The following SDK1 variants were observed in gnomAD, a reference collection of about 807,000 sequenced individuals.
SDK1 encodes protein sidekick-1.
A neutral mutation model predicts 245.5 loss-of-function variants in SDK1; 157 were observed. The observed-to-expected ratio is 0.64, with a 90% CI of 0.56 to 0.73. The LOEUF is 0.73. Ranked by LOEUF, SDK1 falls within the 30% of genes least tolerant of loss-of-function variation. SDK1 has a pLI of 0.00. For synonymous variants in SDK1, 1,647 were observed against 1,278.5 expected (o/e 1.29, Z -6.15); for missense variants, 3,583 against 3,002.3 (o/e 1.19, Z -4.52).
chr7:3,475,145 C>G (rs749338506), intron 1 of SDK1, among the ~76,000 whole-genome samples: 1 of 152,228 alleles, frequency 6.6e-6, no homozygotes, highest in Non-Finnish European at 1.5e-5. Context: ...TTGTTCCATT[C>G]TCTCCCTTAT....
chr7:3,512,113 C>T (rs987907047), intron 1 of SDK1, among the ~76,000 whole-genome samples: 8 of 152,140 alleles, frequency 5.3e-5, no homozygotes, highest in African/African-American at 1.7e-4. Context: ...CTGACCTCTG[C>T]ATAGTTATCT....
At chr7:4,147,610 T>G (rs970306933) in intron 29 of SDK1, among the ~76,000 whole-genome samples, 3 of 152,064 alleles carry the variant, frequency 2.0e-5, no homozygotes, top group African/African-American at 7.2e-5. Context: ...CTGTGACCAT[T>G]ACCACTATCA....
At chr7:3,453,189 C>T (rs754114022) in intron 1 of SDK1, among the ~76,000 whole-genome samples, 3 of 152,166 alleles carry the variant, frequency 2.0e-5, no homozygotes, top group Non-Finnish European at 4.4e-5. Context: ...GAACTGGTAT[C>T]TGAGCAGAGC....
intron 22 of SDK1, among the ~76,000 whole-genome samples, chr7:4,081,582 G>C (rs553216793): frequency 6.6e-6 from 1 of 151,894 alleles, no homozygotes; most frequent in Non-Finnish European, 1.5e-5. Context: ...CACCCACCCA[G>C]CCAATTTTTT....
At chr7:4,014,144 A>C (rs1292465950) in intron 16 of SDK1, among the ~76,000 whole-genome samples, 1 of 152,260 alleles carries the variant, frequency 6.6e-6, no homozygotes, top group African/African-American at 2.4e-5. Context: ...CAGCATGTGC[A>C]GGAAGAGTTT....
intron 1 of SDK1, among the ~76,000 whole-genome samples, chr7:3,606,584 C>T (rs548137710): frequency 3.3e-5 from 5 of 152,274 alleles, no homozygotes; most frequent in African/African-American, 1.2e-4. Context: ...ACACAGTGGA[C>T]TGACTCCCAC....
At chr7:3,663,901 T>G (rs1783442812) in intron 4 of SDK1, among the ~76,000 whole-genome samples, 1 of 152,260 alleles carries the variant, frequency 6.6e-6, no homozygotes, top group Admixed American at 6.5e-5. Flanking sequence ...AGCATTTTTC[T>G]TAGGAATGTA....
intron 10 of SDK1, among the ~76,000 whole-genome samples, chr7:3,967,804 T>C (rs909387294): frequency 1.3e-5 from 2 of 152,188 alleles, no homozygotes; most frequent in African/African-American, 4.8e-5. Flanking sequence ...CAGGCAGTCA[T>C]GCACGGTGGC....
At chr7:3,459,758 T>A (rs186934932) in intron 1 of SDK1, among the ~76,000 whole-genome samples, 4 of 152,326 alleles carry the variant, frequency 2.6e-5, no homozygotes, top group Admixed American at 2.0e-4. Context: ...CCACTTGGTT[T>A]AGACCAGTTG....
At chr7:4,161,397 G>C (rs775668535) in intron 31 of SDK1, among the ~76,000 whole-genome samples, 1 of 152,130 alleles carries the variant, frequency 6.6e-6, no homozygotes, top group Non-Finnish European at 1.5e-5. Flanking sequence ...AGGAAAAGTA[G>C]CTCTCACCTA....
chr7:3,586,119 G>C (rs1421571402), intron 1 of SDK1, among the ~76,000 whole-genome samples: 1 of 151,802 alleles, frequency 6.6e-6, no homozygotes, highest in Non-Finnish European at 1.5e-5. Flanking sequence ...TAGAGTCGCT[G>C]GGGGAGAGAG....
At chr7:3,541,071 ATCATT>A (rs1779038855) in intron 1 of SDK1, among the ~76,000 whole-genome samples, 1 of 152,238 alleles carries the variant, frequency 6.6e-6, no homozygotes, top group Non-Finnish European at 1.5e-5. Context: ...ATTTGACACA[ATCATT>A]TCCGTTTTCT....
intron 22 of SDK1, among the ~76,000 whole-genome samples, chr7:4,081,988 A>G (rs1187903940): frequency 6.6e-6 from 1 of 152,138 alleles, no homozygotes; most frequent in African/African-American, 2.4e-5. Context: ...CAAAAGGAAA[A>G]CCAGACCCCT....
chr7:4,028,224 C>A (rs1027755066), intron 17 of SDK1, among the ~76,000 whole-genome samples: 1 of 152,162 alleles, frequency 6.6e-6, no homozygotes, highest in Non-Finnish European at 1.5e-5. Context: ...CCAGGTGACT[C>A]TAACACCCAC....
At chr7:3,992,315 G>A (rs1034265633) in intron 14 of SDK1, among the ~76,000 whole-genome samples, 2 of 152,226 alleles carry the variant, frequency 1.3e-5, no homozygotes, top group African/African-American at 4.8e-5. Context: ...GATACACGTG[G>A]CCCTCTGCAG....
rs75358914 is a variant in SDK1 at position 4,153,621 on chromosome 7, A to G, written c.4625+4158A>G. Among the ~76,000 whole-genome samples, 651 of 152,266 alleles carry G rather than the reference A, an allele frequency of 4.3e-3. 3 individuals are homozygous for G. The highest frequency in any genetic ancestry group is 0.015 in the African/African-American group (628 of 41,556). On this transcript the variant is annotated intron_variant, in intron 30 of 44. Coordinates refer to ENST00000404826, the MANE Select transcript of SDK1 (RefSeq NM_152744.4). ...AAGAATCAGATGAACTTGGCCAAGG[A>G]TATGATACATGAGCTTGATATTCTT... is the stretch of plus-strand genomic sequence containing the variant.
chr7:3,789,895 C>G (rs1413325933), intron 4 of SDK1, among the ~76,000 whole-genome samples: 1 of 145,712 alleles, frequency 6.9e-6, no homozygotes, highest in Non-Finnish European at 1.5e-5. Flanking sequence ...TGGACAGGCT[C>G]GAGGACAGGC....
chr7:3,710,310 G>C (rs1583329523), intron 4 of SDK1, among the ~76,000 whole-genome samples: 1 of 152,168 alleles, frequency 6.6e-6, no homozygotes, highest in African/African-American at 2.4e-5. Flanking sequence ...TTAGGTGGGC[G>C]TGAGATCCTC....
chr7:3,552,531 T>C (rs1295562136), intron 1 of SDK1, among the ~76,000 whole-genome samples: 5 of 152,252 alleles, frequency 3.3e-5, no homozygotes, highest in Non-Finnish European at 7.3e-5. Context: ...TATTCATTTA[T>C]GATCCATATT....
Sources: allele counts gnomAD v4.1 joint callset (sites outside exome capture counted in the v4.1 genomes callset), GRCh38; gene constraint gnomAD v4.1.1; transcripts MANE v1.5; gene names NCBI Gene and HGNC (gene_info 2026-07-23, HGNC 2026-07-21).